RORA: variants seen among roughly 807,000 people sequenced by gnomAD.
RORA encodes nuclear receptor ROR-alpha.
A neutral mutation model predicts 69.5 loss-of-function variants in RORA; 7 were observed. The ratio of observed to expected loss-of-function variants is 0.10; its 90% CI spans 0.06 to 0.19. RORA has a LOEUF of 0.19. Among genes scored for constraint, RORA ranks in the 10% least tolerant of loss-of-function variants. The pLI is 1.00. For missense variants in RORA, 457 were observed against 663.0 expected (o/e 0.69, Z 3.41); for synonymous variants, 261 against 240.8 (o/e 1.08, Z -0.78).
chr15:61,205,579 T>C (rs1396907427), intron 1 of RORA, among the ~76,000 whole-genome samples: 4 of 151,966 alleles, frequency 2.6e-5, no homozygotes, highest in African/African-American at 9.7e-5. Flanking sequence ...AGCACATCCG[T>C]CTCAGGCCTA....
intron 1 of RORA, among the ~76,000 whole-genome samples, chr15:61,044,170 T>C (rs1566961045): frequency 1.3e-5 from 2 of 152,162 alleles, no homozygotes; most frequent in South Asian, 2.1e-4. Context: ...GAGACTGTGC[T>C]TGTGTCCTGA....
chr15:60,516,187 ATATATATATT>A (rs1331532723), intron 3 of RORA, among the ~76,000 whole-genome samples: 3,458 of 23,736 alleles, frequency 0.15, 495 homozygotes, highest in Non-Finnish European at 0.17. Flanking sequence ...ATATATATTT[ATATATATATT>A]TATATATATA....
intron 1 of RORA, among the ~76,000 whole-genome samples, chr15:60,909,316 G>C (rs1392779296): frequency 6.6e-6 from 1 of 152,196 alleles, no homozygotes; most frequent in Non-Finnish European, 1.5e-5. Context: ...TGAGGAGTCA[G>C]GAAATTTGGG....
chr15:60,829,287 G>C (rs533895537), intron 1 of RORA, among the ~76,000 whole-genome samples: 1 of 152,290 alleles, frequency 6.6e-6, no homozygotes, highest in Non-Finnish European at 1.5e-5. Flanking sequence ...GCTGCCCGGA[G>C]CACCGGCCTG....
chr15:60,598,451 AC>A (rs921619573), intron 2 of RORA: 2 of 152,068 alleles, frequency 1.3e-5, no homozygotes, highest in African/African-American at 4.8e-5. Context: ...TCCTCAGCCT[AC>A]TCACTGTGAA....
chr15:60,980,424 A>G (rs765719920), intron 1 of RORA, among the ~76,000 whole-genome samples: 9 of 152,142 alleles, frequency 5.9e-5, no homozygotes, highest in Non-Finnish European at 4.4e-5. Flanking sequence ...TCCCTCTGCT[A>G]TTTTTTTGGA....
At chr15:60,592,896 T>C (rs1161328736) in intron 2 of RORA, 2 of 456,448 alleles carry the variant, frequency 4.4e-6, no homozygotes, top group Non-Finnish European at 4.4e-6. Context: ...GGCAAGAGGC[T>C]CGCAACCCGA....
chr15:60,907,827 T>C (rs1423666839), intron 1 of RORA, among the ~76,000 whole-genome samples: 1 of 152,218 alleles, frequency 6.6e-6, no homozygotes, highest in Admixed American at 6.5e-5. Flanking sequence ...TCAAGAGGGC[T>C]ATGCAAAGTC....
intron 1 of RORA, among the ~76,000 whole-genome samples, chr15:60,771,325 C>G (rs1485617223): frequency 6.6e-6 from 1 of 152,198 alleles, no homozygotes; most frequent in Non-Finnish European, 1.5e-5. Flanking sequence ...ATCTCTTGGT[C>G]TTTTTAGACC....
intron 1 of RORA, among the ~76,000 whole-genome samples, chr15:60,985,470 T>C (rs1434214273): frequency 6.6e-6 from 1 of 152,150 alleles, no homozygotes; most frequent in Non-Finnish European, 1.5e-5. Context: ...AAATCCTTTT[T>C]AAATTTTAGT....
At chr15:60,626,020 C>T (rs946932955) in intron 2 of RORA, among the ~76,000 whole-genome samples, 1 of 152,224 alleles carries the variant, frequency 6.6e-6, no homozygotes, top group Admixed American at 6.5e-5. Flanking sequence ...CCACGTTCTT[C>T]CTTCCTCAGC....
intron 1 of RORA, among the ~76,000 whole-genome samples, chr15:61,101,494 G>T (rs1002242264): frequency 3.3e-5 from 5 of 152,106 alleles, no homozygotes; most frequent in African/African-American, 1.2e-4. Context: ...GAAACTGATA[G>T]ATCAGTATGG....
At chr15:60,896,163 G>A (rs532797413) in intron 1 of RORA, among the ~76,000 whole-genome samples, 31 of 152,326 alleles carry the variant, frequency 2.0e-4, no homozygotes, top group African/African-American at 7.5e-4. Context: ...TAAGCACTTA[G>A]AGACACTCTG....
chr15:61,224,740 C>G (rs1388238459), intron 1 of RORA, among the ~76,000 whole-genome samples: 1 of 152,210 alleles, frequency 6.6e-6, no homozygotes, highest in African/African-American at 2.4e-5. Flanking sequence ...TAAAAATCCT[C>G]AGAACATTTT....
chr15:60,723,227 C>T (rs562805975), intron 1 of RORA, among the ~76,000 whole-genome samples: 2 of 152,134 alleles, frequency 1.3e-5, no homozygotes, highest in Non-Finnish European at 2.9e-5. Flanking sequence ...AAATAAATGG[C>T]TTAACATATA....
intron 2 of RORA, chr15:60,592,311 C>T (rs1305940188): frequency 2.7e-6 from 3 of 1,111,338 alleles, no homozygotes; most frequent in Non-Finnish European, 3.5e-6. Context: ...CGCGCCCACC[C>T]CTCCCCCTGC....
At chr15:60,645,472 A>G (rs1033555655) in intron 2 of RORA, among the ~76,000 whole-genome samples, 1 of 149,972 alleles carries the variant, frequency 6.7e-6, no homozygotes, top group African/African-American at 2.5e-5. Context: ...GCTCACTGCA[A>G]CCTCTGCCTC....
chr15:60,890,425 C>T (rs879288182), intron 1 of RORA, among the ~76,000 whole-genome samples: 1 of 152,172 alleles, frequency 6.6e-6, no homozygotes, highest in Non-Finnish European at 1.5e-5. Context: ...AGAGGTGTAC[C>T]GCTTGTCCAC....
At chr15:60,960,246 A>G (rs971696081) in intron 1 of RORA, among the ~76,000 whole-genome samples, 1 of 152,192 alleles carries the variant, frequency 6.6e-6, no homozygotes, top group African/African-American at 2.4e-5. Flanking sequence ...CTTTATCATA[A>G]AATCATTAGC....
Sources: allele counts gnomAD v4.1 joint callset (sites outside exome capture counted in the v4.1 genomes callset), GRCh38; gene constraint gnomAD v4.1.1; transcripts MANE v1.5; gene names NCBI Gene and HGNC (gene_info 2026-07-23, HGNC 2026-07-21).